LHX6: variants seen among roughly 807,000 people sequenced by gnomAD.
The protein encoded by LHX6 is LIM/homeobox protein Lhx6.
Under a neutral mutation model 47.1 loss-of-function variants are expected in LHX6, and 15 were observed. The observed-to-expected ratio is 0.32, with a 90% confidence interval of 0.21 to 0.49. The LOEUF is 0.49. LHX6 is among the 20% of genes least tolerant of loss of function. LHX6 has a pLI of 0.99. For synonymous variants in LHX6, 242 were observed against 233.5 expected (o/e 1.04, Z -0.33); for missense variants, 404 against 539.6 (o/e 0.75, Z 2.49).
intron 1 of LHX6, chr9:122,228,398 C>G: frequency 6.7e-7 from 1 of 1,497,342 alleles, no homozygotes; most frequent in Non-Finnish European, 8.8e-7. Context: ...ATACCGGCCT[C>G]GCCTCCTCTT....
In LHX6 at chr9:122,213,509, G is replaced by A. The variant is rs143968888; in HGVS notation, c.1054+97C>T. On this transcript the variant is annotated intron_variant, in intron 8 of 9. Transcript: ENST00000394319. The surrounding 1 kb of genome is among the most constrained non-coding windows in gnomAD (Gnocchi z 5.5). ...CTTCTTCACCCACGAGGCTCCCCAA[G>A]GCCCTCCACCCCACGCCTCGGCCTC... The A allele has an allele frequency of 2.4e-3, 2,680 of 1,139,028 alleles. 52 individuals are homozygous for A. In the African/African-American group the frequency reaches 0.038, roughly 16 times the overall value. The allele number at this position is 1,139,028 out of a possible 1,614,324, so 70.6% of individuals were successfully genotyped here. A position where few individuals can be genotyped will look rare whatever the true frequency, so the allele number is the denominator to read the frequency against.
At position 122,209,629 on chromosome 9, in the gene LHX6, G is replaced by A. The variant is rs1420751677; in HGVS notation, c.1143C>T (p.Ser381=). ...CTCCATTTACCTTCTCACCCCGGTT[G>A]GAGAGCGGCCCATCCATATCGGCTT... The part of the protein sequence containing the change: ...HLKADMDGPL[S]NRGEKVILFQ... The change falls in exon 9 of 10, where the codon TCC becomes TCT. Residue 381 remains serine, a synonymous_variant. Transcript: ENST00000394319. The A allele has an allele frequency of 1.9e-6, 3 of 1,602,544 alleles. No individual in the cohort carries two copies. The Admixed American group carries it at 5.0e-5, about 27-fold the overall frequency.
chr9:122,220,374 T>C (rs1340366522), intron 4 of LHX6, among the ~76,000 whole-genome samples: 2 of 152,080 alleles, frequency 1.3e-5, no homozygotes, highest in Admixed American at 1.3e-4. Flanking sequence ...ATTATGTAGG[T>C]TTGGTTGCAT....
At chr9:122,210,317 C>T (rs974796754) in intron 8 of LHX6, among the ~76,000 whole-genome samples, 26 of 152,152 alleles carry the variant, frequency 1.7e-4, no homozygotes, top group Non-Finnish European at 2.4e-4. Flanking sequence ...CATATTCATG[C>T]GCATGCAAGC....
At chr9:122,220,335 G>T (rs1430569595) in intron 4 of LHX6, among the ~76,000 whole-genome samples, 1 of 152,184 alleles carries the variant, frequency 6.6e-6, no homozygotes, top group Non-Finnish European at 1.5e-5. Flanking sequence ...TCGTCCTCGC[G>T]CCAGATCCTT....
At position 122,227,478 on chromosome 9, in the gene LHX6, C is replaced by T; in HGVS notation, c.87G>A (p.Val29=). The T allele has an allele frequency of 6.6e-7, 1 of 1,522,608 alleles. No individual in the cohort carries two copies. Among genetic ancestry groups the T allele is most frequent in the South Asian group, 1.2e-5 (1 of 83,248 alleles). The allele number at this position is 1,522,608 out of a possible 1,614,324, so 94.3% of individuals were successfully genotyped here. The change falls in exon 2 of 10, where the codon GTG becomes GTA. Residue 29 remains valine (V), a splice_region_variant and synonymous_variant. Coordinates refer to ENST00000394319, the MANE Select transcript of LHX6 (RefSeq NM_014368.5). The part of the protein sequence containing the change: ...PAEGGPATDQ[V]MAQPGSGCKA... ...TGCAGCCGGACCCTGGCTGGGCCAT[C>T]ACCTGGGGGAGGGGGGGAGGGAACG...
chr9:122,227,137 C>G (rs546217963), intron 2 of LHX6, 107 bp from the exon 3 acceptor site: 3 of 1,081,076 alleles, frequency 2.8e-6, no homozygotes, highest in South Asian at 3.3e-5. Flanking sequence ...AACGAAATCT[C>G]CCCAGGACAA....
intron 4 of LHX6, chr9:122,221,489 A>G (rs763100906): frequency 3.5e-5 from 34 of 985,420 alleles, no homozygotes; most frequent in Non-Finnish European, 4.1e-5. Flanking sequence ...AGGGCCAGAG[A>G]AGGCTAGGGG....
rs982520611 is a variant in LHX6, at chr9:122,226,559, C to A, written c.340-62G>T. ...GGGCCTCTTTCACTCCGGGCCCCAG[C>A]CTTCCCGGTCTCATTTACAGTCAGA... On this transcript the variant is annotated intron_variant, in intron 3 of 9. Transcript: ENST00000394319. The surrounding 1 kb of genome is among the most constrained non-coding windows in gnomAD (Gnocchi z 6.5). The A allele has an allele frequency of 1.7e-5, 26 of 1,572,066 alleles. No individual in the cohort carries two copies. Among genetic ancestry groups the A allele is most frequent in the African/African-American group, 2.7e-5 (2 of 72,822 alleles).
chr9:122,209,712 C>A lies in LHX6; in HGVS notation c.1060G>T (p.Val354Leu), dbSNP rs745505125. The change falls in exon 9 of 10, where the codon GTA becomes TTA. Residue 354 changes from valine to leucine, a missense_variant. Around this residue, in one of 7 missense-constraint regions of LHX6, gnomAD observed 127 missense variants for 116.1 expected, o/e 1.09. Transcript: ENST00000394319. ...VTLHGYIESQVQCGQVHCRLP... is the reference protein window; with the variant it reads ...VTLHGYIESQLQCGQVHCRLP... ...CGGCAGTGCACCTGCCCGCACTGTA[C>A]CTGACCTGTGGACGAGAGGATGCCT... 1.6e-5 allele frequency: 14 copies of A among 862,518 alleles called. No individual in the cohort carries two copies. Among genetic ancestry groups the A allele is most frequent in the Non-Finnish European group, 2.8e-5 (14 of 493,486 alleles). 53.4% of individuals were successfully genotyped at this position (862,518 alleles called of 1,614,324 possible).
chr9:122,221,428 G>C (rs532820125), intron 4 of LHX6: 120 of 985,528 alleles, frequency 1.2e-4, no homozygotes, highest in Admixed American at 6.8e-4. Flanking sequence ...TTTGCGGGAG[G>C]GGGTAGGCTT....
rs1830635604 is a variant in LHX6, at chr9:122,217,388, T to G, written c.462-100A>C. 1.1e-6 allele frequency: 1 copy of G among 924,016 alleles called. No individual in the cohort carries two copies. The highest frequency in any genetic ancestry group is 1.6e-6 in the Non-Finnish European group (1 of 612,092). 57.2% of individuals were successfully genotyped at this position (924,016 alleles called of 1,614,324 possible). On this transcript the variant is annotated intron_variant, in intron 4 of 9. Transcript: ENST00000394319. The surrounding 1 kb of genome is among the most constrained non-coding windows in gnomAD (Gnocchi z 4.9). Reference sequence around the variant, plus strand: ...CCCGCCAGCCCCCAGGCTCCTGGCCTCTAAGTCTTCAACTCAGGCATTAGC... The same window carrying G: ...CCCGCCAGCCCCCAGGCTCCTGGCCGCTAAGTCTTCAACTCAGGCATTAGC...
chr9:122,217,433 C>T lies in LHX6; in HGVS notation c.462-145G>A. Reference sequence around the variant, plus strand: ...ATTAGCCTTAGCTTGGACGCAACAACACTCTACACCTAGTCCCACCTAGGA... The same window carrying T: ...ATTAGCCTTAGCTTGGACGCAACAATACTCTACACCTAGTCCCACCTAGGA... On this transcript the variant is annotated intron_variant, in intron 4 of 9. Transcript: ENST00000394319. The surrounding 1 kb of genome is among the most constrained non-coding windows in gnomAD (Gnocchi z 4.9). 1.6e-6 allele frequency: 1 copy of T among 612,018 alleles called. No individual in the cohort carries two copies. Among genetic ancestry groups the T allele is most frequent in the South Asian group, 2.0e-5 (1 of 50,438 alleles). 37.9% of individuals were successfully genotyped at this position (612,018 alleles called of 1,614,324 possible).
Position 122,227,264 on chromosome 9 carries a change from G to T in LHX6, c.156+145C>A, listed in dbSNP as rs543884127. 9.5e-6 allele frequency: 9 copies of T among 943,120 alleles called. No individual in the cohort carries two copies. The East Asian group carries it at 2.7e-4, about 29-fold the overall frequency. 58.4% of individuals were successfully genotyped at this position (943,120 alleles called of 1,614,324 possible). On this transcript the variant is annotated intron_variant, in intron 2 of 9. Coordinates refer to ENST00000394319, the MANE Select transcript of LHX6 (RefSeq NM_014368.5). ...GCGGTTAAAGCCAACATTCCCTGCC[G>T]GAAAACCGAGGCTCAGAGAGGGGCG...
At chr9:122,216,411 T>C (rs772785101) in intron 5 of LHX6, among the ~76,000 whole-genome samples, 14 of 152,144 alleles carry the variant, frequency 9.2e-5, no homozygotes, top group Non-Finnish European at 2.1e-4. Flanking sequence ...CAGAAGAGAT[T>C]TAGGGATCAT....
At chr9:122,216,710 T>C (rs1374739312) in intron 5 of LHX6, among the ~76,000 whole-genome samples, 1 of 152,212 alleles carries the variant, frequency 6.6e-6, no homozygotes, top group Non-Finnish European at 1.5e-5. Context: ...CAATGAGAGC[T>C]GTCCAAAGGT....
At position 122,217,692 on chromosome 9, in the gene LHX6, G is replaced by A. The variant is rs1830648565; in HGVS notation, c.462-404C>T. On this transcript the variant is annotated intron_variant, in intron 4 of 9. Coordinates refer to ENST00000394319, the MANE Select transcript of LHX6 (RefSeq NM_014368.5). This position sits in a 1 kb window ranked among gnomAD's most constrained non-coding sequence, Gnocchi z 4.9. Reference sequence around the variant, plus strand: ...CAATTAATCCTCATTTTGCAGGTGAGGAAAATGGGGACTAGAGAGGTAAAG... The same window carrying A: ...CAATTAATCCTCATTTTGCAGGTGAAGAAAATGGGGACTAGAGAGGTAAAG... Among the ~76,000 whole-genome samples the A allele has an allele frequency of 6.6e-6, 1 of 152,166 alleles. No individual in the cohort carries two copies. Among genetic ancestry groups the A allele is most frequent in the Non-Finnish European group, 1.5e-5 (1 of 68,034 alleles).
intron 8 of LHX6, among the ~76,000 whole-genome samples, chr9:122,212,677 G>A (rs1366491208): frequency 2.6e-5 from 4 of 152,012 alleles, no homozygotes; most frequent in South Asian, 4.1e-4. Flanking sequence ...CCAGGTTCCC[G>A]CTCACAAGTC....
At position 122,213,658 on chromosome 9, in the gene LHX6, C is replaced by T; in HGVS notation, c.1002G>A (p.Pro334=). ...SALSDDIHYT[P]FSSPERARMV... ...TGCGCGCCCGCTCGGGGCTGCTGAA[C>T]GGGGTGTAGTGGATGTCGTCGGACA... The change falls in exon 8 of 10, where the codon CCG becomes CCA. Residue 334 remains proline, a synonymous_variant. Transcript: ENST00000394319. The surrounding 1 kb of genome is among the most constrained non-coding windows in gnomAD (Gnocchi z 5.5). The T allele has an allele frequency of 6.2e-7, 1 of 1,611,090 alleles. No homozygotes were observed. The highest frequency in any genetic ancestry group is 8.5e-7 in the Non-Finnish European group (1 of 1,178,972).
Sources: gnomAD v4.1 joint callset for allele counts (sites outside exome capture counted in the v4.1 genomes callset) on GRCh38, gnomAD v4.1.1 for gene constraint, gnomAD v4.1.1 regional missense constraint, Gnocchi (gnomAD v3.1) non-coding constraint, MANE v1.5 for transcripts, NCBI Gene and HGNC (gene_info 2026-07-23, HGNC 2026-07-21) for gene names.